The following ZFYVE9 variants were observed in gnomAD, a reference collection of about 807,000 sequenced individuals.
ZFYVE9 encodes the protein zinc finger FYVE-type containing 9, also known as zinc finger FYVE domain-containing protein 9.
In ZFYVE9, 43 loss-of-function variants were observed where a neutral mutation model predicts 126.7. That is an observed-to-expected ratio of 0.34 (90% CI 0.27 to 0.44). The LOEUF (loss-of-function observed/expected upper bound fraction) is 0.44, where lower values mean the gene tolerates loss of function less well. Ranked by LOEUF, ZFYVE9 falls within the 20% of genes least tolerant of loss-of-function variation. The pLI, the probability that ZFYVE9 is intolerant of heterozygous loss-of-function variation, is 1.00. For synonymous variants in ZFYVE9, 521 were observed against 597.4 expected (o/e 0.87, Z 1.87); for missense variants, 1,476 against 1,697.0 (o/e 0.87, Z 2.29).
chr1:52,205,759 T>C (rs1644972766), intron 1 of ZFYVE9, among the ~76,000 whole-genome samples: 1 of 152,222 alleles, frequency 6.6e-6, no homozygotes, highest in African/African-American at 2.4e-5. Context: ...ACTTCCAAGC[T>C]ACTTAAATGC....
chr1:52,300,251 G>C (rs1358335702), intron 12 of ZFYVE9, among the ~76,000 whole-genome samples: 1 of 152,102 alleles, frequency 6.6e-6, no homozygotes, highest in Non-Finnish European at 1.5e-5. Context: ...GACAACTCCA[G>C]TCAACCATCT....
At chr1:52,345,211 C>A (rs566500514) in intron 18 of ZFYVE9, among the ~76,000 whole-genome samples, 11 of 152,148 alleles carry the variant, frequency 7.2e-5, no homozygotes, top group Non-Finnish European at 1.2e-4. Context: ...AAGAGGGGAG[C>A]ATGTGGTAGG....
intron 4 of ZFYVE9, chr1:52,253,912 G>A: frequency 4.8e-6 from 5 of 1,045,664 alleles, no homozygotes; most frequent in Admixed American, 3.4e-5. Context: ...TTCAGCCAAA[G>A]TAGGAAATAA....
intron 6 of ZFYVE9, among the ~76,000 whole-genome samples, chr1:52,267,828 G>A (rs556904533): frequency 6.4e-4 from 98 of 152,250 alleles, no homozygotes; most frequent in African/African-American, 2.3e-3. Flanking sequence ...ATCAGACTCA[G>A]TTTTCCAGCT....
At chr1:52,144,217 G>T (rs1299513010) in intron 1 of ZFYVE9, among the ~76,000 whole-genome samples, 1 of 152,116 alleles carries the variant, frequency 6.6e-6, no homozygotes, top group Non-Finnish European at 1.5e-5. Context: ...TACTCGGGAG[G>T]CTGAGGCACA....
At chr1:52,336,288 C>T (rs1646387746) in intron 15 of ZFYVE9, among the ~76,000 whole-genome samples, 2 of 144,272 alleles carry the variant, frequency 1.4e-5, no homozygotes, top group East Asian at 4.2e-4. Flanking sequence ...TAATATTTTA[C>T]AACTAAAATT....
intron 12 of ZFYVE9, among the ~76,000 whole-genome samples, chr1:52,301,826 A>G (rs964248513): frequency 2.0e-5 from 3 of 151,982 alleles, no homozygotes; most frequent in Non-Finnish European, 4.4e-5. Flanking sequence ...AAATTGTTTC[A>G]CGTCTTACTA....
At chr1:52,170,826 A>G (rs926380593) in intron 1 of ZFYVE9, among the ~76,000 whole-genome samples, 2 of 152,106 alleles carry the variant, frequency 1.3e-5, no homozygotes, top group African/African-American at 4.8e-5. Context: ...AAGATGCCTG[A>G]TATTTCCATG....
At chr1:52,204,977 C>T (rs1644959766) in intron 1 of ZFYVE9, among the ~76,000 whole-genome samples, 2 of 151,988 alleles carry the variant, frequency 1.3e-5, no homozygotes, top group African/African-American at 4.8e-5. Flanking sequence ...ACAGAGGTTC[C>T]TGCTTGTGGG....
intron 13 of ZFYVE9, among the ~76,000 whole-genome samples, chr1:52,318,533 G>A (rs1646208892): frequency 6.6e-6 from 1 of 151,872 alleles, no homozygotes; most frequent in Non-Finnish European, 1.5e-5. Context: ...ACAAGAACGG[G>A]ATGTTCACTC....
intron 1 of ZFYVE9, among the ~76,000 whole-genome samples, chr1:52,172,619 G>T (rs1339986444): frequency 6.6e-6 from 1 of 152,090 alleles, no homozygotes; most frequent in South Asian, 2.1e-4. Context: ...GGTATTGATT[G>T]TTCCTACCCA....
At chr1:52,274,721 AT>A in intron 8 of ZFYVE9, 137 bp downstream of exon 8, 1 of 939,598 alleles carries the variant, frequency 1.1e-6, no homozygotes, top group Non-Finnish European at 1.5e-6. Context: ...AACTATGAAA[AT>A]GGTTGTTGCT....
At chr1:52,143,907 A>C (rs181920934) in intron 1 of ZFYVE9, among the ~76,000 whole-genome samples, 2 of 152,298 alleles carry the variant, frequency 1.3e-5, no homozygotes, top group Admixed American at 1.3e-4. Flanking sequence ...TCAGATTTTA[A>C]GTATTTCTTT....
At chr1:52,165,545 G>A (rs1003004428) in intron 1 of ZFYVE9, among the ~76,000 whole-genome samples, 3 of 152,112 alleles carry the variant, frequency 2.0e-5, no homozygotes, top group African/African-American at 4.8e-5. Flanking sequence ...TAGATGGCCC[G>A]CAGAATCACC....
chr1:52,213,818 A>G (rs1240720538), intron 1 of ZFYVE9, among the ~76,000 whole-genome samples: 6 of 152,100 alleles, frequency 3.9e-5, no homozygotes, highest in African/African-American at 1.4e-4. Context: ...AAGACGCAAT[A>G]AGCTGCTTGC....
intron 2 of ZFYVE9, among the ~76,000 whole-genome samples, chr1:52,231,908 T>C (rs1349101078): frequency 6.6e-6 from 1 of 152,158 alleles, no homozygotes; most frequent in Non-Finnish European, 1.5e-5. Flanking sequence ...ATTACAGGCA[T>C]GAGCCACGAC....
At chr1:52,167,161 T>C (rs971325869) in intron 1 of ZFYVE9, among the ~76,000 whole-genome samples, 7 of 152,226 alleles carry the variant, frequency 4.6e-5, no homozygotes, top group African/African-American at 1.7e-4. Context: ...AGTTTAGGCC[T>C]CTTGTTTCTA....
intron 11 of ZFYVE9, among the ~76,000 whole-genome samples, chr1:52,294,163 A>G (rs185504510): frequency 2.6e-5 from 4 of 152,334 alleles, no homozygotes; most frequent in Admixed American, 2.6e-4. Context: ...AAAGACATTA[A>G]TGGTTAAATG....
At chr1:52,191,256 T>G (rs1300614064) in intron 1 of ZFYVE9, among the ~76,000 whole-genome samples, 3 of 152,208 alleles carry the variant, frequency 2.0e-5, no homozygotes, top group Non-Finnish European at 4.4e-5. Flanking sequence ...TATTATTTCC[T>G]TTTAATCTTC....
Sources: allele counts gnomAD v4.1 joint callset (sites outside exome capture counted in the v4.1 genomes callset), GRCh38; gene constraint gnomAD v4.1.1; transcripts MANE v1.5; gene names NCBI Gene and HGNC (gene_info 2026-07-23, HGNC 2026-07-21).